FAM20A: variants seen among roughly 807,000 people sequenced by gnomAD.
FAM20A encodes pseudokinase FAM20A.
FAM20A carries 42 observed loss-of-function variants against 52.0 expected under a neutral mutation model. The observed-to-expected ratio is 0.81, with a 90% CI of 0.63 to 1.04. The LOEUF is 1.04. Ranked by LOEUF, FAM20A falls within the 50% of genes least tolerant of loss-of-function variation. The pLI is 0.00. For missense variants in FAM20A, 742 were observed against 712.7 expected (o/e 1.04, Z -0.47); for synonymous variants, 304 against 298.9 (o/e 1.02, Z -0.18).
chr17:68,540,790 G>A (rs2086251621), intron 8 of FAM20A, 59 bp downstream of exon 8: 1 of 1,552,188 alleles, frequency 6.4e-7, no homozygotes, highest in East Asian at 2.4e-5. Flanking sequence ...AAGGTCACGG[G>A]GAACCCTAGC....
At chr17:68,573,684 T>C (rs1183691446) in intron 1 of FAM20A, among the ~76,000 whole-genome samples, 2 of 150,646 alleles carry the variant, frequency 1.3e-5, no homozygotes, top group Non-Finnish European at 1.5e-5. Context: ...TTCTTTTCTC[T>C]TTTTTTTTCT....
intron 4 of FAM20A, 57 bp from the exon 5 acceptor site, chr17:68,543,778 A>T (rs762773229): frequency 6.9e-7 from 1 of 1,452,200 alleles, no homozygotes; most frequent in South Asian, 1.1e-5. Context: ...GAGCCTGAGA[A>T]GAGAGCTGAT....
chr17:68,557,227 A>G (rs2087079968), intron 1 of FAM20A, among the ~76,000 whole-genome samples: 1 of 152,136 alleles, frequency 6.6e-6, no homozygotes, highest in Admixed American at 6.5e-5. Flanking sequence ...CTTTTCTATC[A>G]AAATAAAAAT....
At chr17:68,568,961 G>T (rs953048272) in intron 1 of FAM20A, among the ~76,000 whole-genome samples, 1 of 151,834 alleles carries the variant, frequency 6.6e-6, no homozygotes, top group Non-Finnish European at 1.5e-5. Context: ...GGCACTGCCC[G>T]ATCTTTCTAA....
intron 1 of FAM20A, among the ~76,000 whole-genome samples, chr17:68,581,425 T>TCTTTCTTTCTTTCTTTTTC (rs1239596190): frequency 2.2e-4 from 32 of 142,240 alleles, no homozygotes; most frequent in Non-Finnish European, 3.5e-4. Context: ...TTTTTCTCTT[T>TCTTTCTTTCTTTCTTTTTC]TCTTTCTTTC....
At chr17:68,547,673 AC>A (rs1226841802) in intron 4 of FAM20A, among the ~76,000 whole-genome samples, 1 of 152,156 alleles carries the variant, frequency 6.6e-6, no homozygotes, top group East Asian at 1.9e-4. Flanking sequence ...GAGAGTTAGA[AC>A]CCTGCTCTGG....
At chr17:68,560,706 G>A (rs953049835) in intron 1 of FAM20A, among the ~76,000 whole-genome samples, 1 of 152,166 alleles carries the variant, frequency 6.6e-6, no homozygotes, top group African/African-American at 2.4e-5. Flanking sequence ...TATAAGTGTT[G>A]TTGATGGGTC....
chr17:68,591,381 G>A (rs188859899), intron 1 of FAM20A, among the ~76,000 whole-genome samples: 2 of 152,328 alleles, frequency 1.3e-5, no homozygotes, highest in African/African-American at 2.4e-5. Context: ...TTACAGGCGT[G>A]AGCCACCGCA....
At chr17:68,585,999 C>T (rs1195872793) in intron 1 of FAM20A, among the ~76,000 whole-genome samples, 1 of 152,146 alleles carries the variant, frequency 6.6e-6, no homozygotes, top group East Asian at 1.9e-4. Context: ...ACTACCAGTG[C>T]CCTTCCTGGG....
At chr17:68,560,675 T>C (rs1343540846) in intron 1 of FAM20A, among the ~76,000 whole-genome samples, 1 of 152,106 alleles carries the variant, frequency 6.6e-6, no homozygotes, top group Non-Finnish European at 1.5e-5. Flanking sequence ...TGTGTGAGAG[T>C]GTATCGGTAT....
At chr17:68,582,563 A>C (rs2088037901) in intron 1 of FAM20A, 1 of 152,174 alleles carries the variant, frequency 6.6e-6, no homozygotes, top group South Asian at 2.1e-4. Context: ...AGGAATATTA[A>C]AGCATAATCA....
rs117582744 is a variant in FAM20A, at chr17:68,543,420, G to A, written c.812+209C>T. 2.8e-4 allele frequency among the ~76,000 whole-genome samples: 42 copies of A among 152,240 alleles called. 1 individual carries two copies. In the East Asian group the frequency reaches 7.7e-3, roughly 28 times the overall value. ...GTGTTCTTTGTAAATTGTTCTTTTC[G>A]TTACATTCGTTAAAAGGCCTTGTGT... On this transcript the variant is annotated intron_variant, in intron 5 of 10. Transcript: ENST00000592554.
chr17:68,541,101 C>T (rs571534327), intron 7 of FAM20A, 143 bp from the exon 8 acceptor site: 232 of 1,312,108 alleles, frequency 1.8e-4, no homozygotes, highest in South Asian at 1.4e-3. Context: ...TTCAGAAAGG[C>T]CCTGGGCAAG....
At chr17:68,558,313 C>A in intron 1 of FAM20A, 1 of 438,816 alleles carries the variant, frequency 2.3e-6, no homozygotes, top group Non-Finnish European at 4.6e-6. Flanking sequence ...GAGATCCTAG[C>A]AGAAAATGAG....
intron 1 of FAM20A, among the ~76,000 whole-genome samples, chr17:68,567,884 G>A (rs902831330): frequency 2.6e-5 from 4 of 151,832 alleles, no homozygotes; most frequent in African/African-American, 4.9e-5. Flanking sequence ...TCTTGCACTC[G>A]CTCCCTCCTG....
chr17:68,591,326 C>T (rs2088302055), intron 1 of FAM20A, among the ~76,000 whole-genome samples: 1 of 152,196 alleles, frequency 6.6e-6, no homozygotes, highest in Non-Finnish European at 1.5e-5. Context: ...GTCTCAATCT[C>T]TTGACCTCGT....
At chr17:68,598,637 C>T (rs773883398) in intron 1 of FAM20A, among the ~76,000 whole-genome samples, 7 of 152,178 alleles carry the variant, frequency 4.6e-5, no homozygotes, top group Non-Finnish European at 7.3e-5. Context: ...TTTGTTGACA[C>T]ATAATGGTGT....
At position 68,535,868 on chromosome 17, in the gene FAM20A, G is replaced by A. The variant is rs1422316487; in HGVS notation, c.*1609C>T. 1 of 453,832 alleles carries A rather than the reference G, an allele frequency of 2.2e-6. No individual in the cohort carries two copies. The allele number at this position is 453,832 out of a possible 1,614,324, so 28.1% of individuals were successfully genotyped here. On this transcript the variant is annotated 3_prime_UTR_variant, in exon 11 of 11. Coordinates refer to ENST00000592554, the MANE Select transcript of FAM20A (RefSeq NM_017565.4). ...ATTGGGTGGGATACTGTTGGGTTTTGTGTTACAGTGAAAAGAAGACTTTGG... is the reference window on the plus strand; with the variant it reads ...ATTGGGTGGGATACTGTTGGGTTTTATGTTACAGTGAAAAGAAGACTTTGG...
At chr17:68,585,743 T>G (rs567709947) in intron 1 of FAM20A, among the ~76,000 whole-genome samples, 1 of 152,324 alleles carries the variant, frequency 6.6e-6, no homozygotes, top group African/African-American at 2.4e-5. Flanking sequence ...AAAGCAGGCT[T>G]GATCACCACG....
Sources: gnomAD v4.1 joint callset for allele counts (sites outside exome capture counted in the v4.1 genomes callset) on GRCh38, gnomAD v4.1.1 for gene constraint, MANE v1.5 for transcripts, NCBI Gene and HGNC (gene_info 2026-07-23, HGNC 2026-07-21) for gene names.